Variants in RGS7 observed in about 807,000 individuals in gnomAD.
RGS7 encodes the protein regulator of G protein signaling 7, also known as regulator of G-protein signaling 7.
Under a neutral mutation model 81.1 loss-of-function variants are expected in RGS7, and 27 were observed. That is an observed-to-expected ratio of 0.33 (90% CI 0.25 to 0.46). RGS7 has a LOEUF of 0.46. Ranked by LOEUF, RGS7 falls within the 20% of genes least tolerant of loss-of-function variation. RGS7 has a pLI of 1.00. For missense variants in RGS7, 396 were observed against 607.4 expected, an observed-to-expected ratio of 0.65 and a Z score of 3.66; for synonymous variants, 208 against 207.7, an observed-to-expected ratio of 1.00 and a Z score of -0.01.
chr1:241,155,483 T>C (rs1425026353), intron 2 of RGS7, among the ~76,000 whole-genome samples: 3 of 151,956 alleles, frequency 2.0e-5, no homozygotes, highest in African/African-American at 7.3e-5. Flanking sequence ...ACCTTTTATC[T>C]TTTTTAGGGA....
intron 2 of RGS7, among the ~76,000 whole-genome samples, chr1:241,221,710 A>G (rs1427948952): frequency 6.6e-6 from 1 of 152,240 alleles, no homozygotes; most frequent in Non-Finnish European, 1.5e-5. Flanking sequence ...AGGCCTGTAT[A>G]TAACAAAAGA....
At chr1:241,035,614 T>C (rs1160676300) in intron 3 of RGS7, among the ~76,000 whole-genome samples, 5 of 152,200 alleles carry the variant, frequency 3.3e-5, no homozygotes, top group South Asian at 2.1e-4. Flanking sequence ...AATACTGCCA[T>C]TGCCATCAGC....
At chr1:240,788,122 T>C (rs551986522) in intron 18 of RGS7, among the ~76,000 whole-genome samples, 1 of 152,374 alleles carries the variant, frequency 6.6e-6, no homozygotes, top group South Asian at 2.1e-4. Context: ...GTCACTCAGA[T>C]TTAATTTGCT....
chr1:241,284,071 T>C (rs1467349897), intron 2 of RGS7, among the ~76,000 whole-genome samples: 1 of 152,200 alleles, frequency 6.6e-6, no homozygotes, highest in African/African-American at 2.4e-5. Context: ...TATTGAATCA[T>C]TTTTTTCATG....
intron 2 of RGS7, among the ~76,000 whole-genome samples, chr1:241,319,348 G>A (rs891277922): frequency 6.6e-6 from 1 of 152,008 alleles, no homozygotes; most frequent in Non-Finnish European, 1.5e-5. Flanking sequence ...AAAAATACAA[G>A]AATATAGATT....
At position 241,133,534 on chromosome 1, in the gene RGS7, TA is replaced by T. The variant is rs200984559; in HGVS notation, c.79-34773del. Among the ~76,000 whole-genome samples, 215 of 150,566 alleles carry T rather than the reference TA, an allele frequency of 1.4e-3. 2 individuals are homozygous for T. Among genetic ancestry groups the T allele is most frequent in the African/African-American group, 5.0e-3 (205 of 41,102 alleles). On this transcript the variant is annotated intron_variant, in intron 2 of 18. Transcript: ENST00000440928. ...TTCTAAGGGAAAGGAGATACAAATA[TA>T]AAAAAAAAGAAACCAAGAAAAAGAA...
chr1:241,013,257 T>C (rs1387891218), intron 3 of RGS7, among the ~76,000 whole-genome samples: 41 of 151,968 alleles, frequency 2.7e-4, no homozygotes, highest in Admixed American at 2.6e-3. Context: ...GAGATGGGGT[T>C]TCACCCTGTT....
intron 3 of RGS7, among the ~76,000 whole-genome samples, chr1:241,091,327 T>C (rs1413882643): frequency 6.6e-6 from 1 of 151,850 alleles, no homozygotes; most frequent in Admixed American, 6.6e-5. Context: ...GGCAGGTGGA[T>C]CACGAGGTAG....
chr1:241,054,610 G>A (rs2061396647), intron 3 of RGS7, among the ~76,000 whole-genome samples: 1 of 152,148 alleles, frequency 6.6e-6, no homozygotes, highest in African/African-American at 2.4e-5. Flanking sequence ...CGTATAACAT[G>A]TCCAAAATAG....
At chr1:241,086,962 A>G (rs2063486856) in intron 3 of RGS7, among the ~76,000 whole-genome samples, 1 of 152,200 alleles carries the variant, frequency 6.6e-6, no homozygotes, top group South Asian at 2.1e-4. Context: ...CTCTGACCCC[A>G]GGAACCTGAG....
intron 2 of RGS7, among the ~76,000 whole-genome samples, chr1:241,266,359 C>G (rs997915106): frequency 5.3e-5 from 8 of 152,262 alleles, no homozygotes; most frequent in African/African-American, 1.9e-4. Context: ...TTGTGATTTT[C>G]AAAATAATTG....
intron 2 of RGS7, among the ~76,000 whole-genome samples, chr1:241,308,090 T>C (rs2080283781): frequency 6.6e-6 from 1 of 152,134 alleles, no homozygotes; most frequent in Admixed American, 6.5e-5. Flanking sequence ...ATGATCTTTA[T>C]TCTTTTTTAA....
At chr1:240,895,414 A>G (rs1284717461) in intron 6 of RGS7, among the ~76,000 whole-genome samples, 1 of 151,538 alleles carries the variant, frequency 6.6e-6, no homozygotes, top group Non-Finnish European at 1.5e-5. Flanking sequence ...CATTAGGTAT[A>G]TCTCCTAATG....
chr1:240,776,106 G>T lies in RGS7; in HGVS notation c.*114C>A. 1.6e-6 allele frequency: 2 copies of T among 1,280,542 alleles called. No homozygotes were observed. The highest frequency in any genetic ancestry group is 1.2e-5 in the South Asian group (1 of 84,328). The allele number at this position is 1,280,542 out of a possible 1,614,324, so 79.3% of individuals were successfully genotyped here. ...GTCCTCTGCTCCAGGTCACAACATT[G>T]AGCTACAAAGTGTGTGCAGTGACTC... On this transcript the variant is annotated 3_prime_UTR_variant, in exon 19 of 19. Transcript: ENST00000440928.
intron 18 of RGS7, among the ~76,000 whole-genome samples, chr1:240,793,033 C>A (rs1258744782): frequency 6.6e-6 from 1 of 152,162 alleles, no homozygotes; most frequent in Non-Finnish European, 1.5e-5. Context: ...CCCAAGACTT[C>A]ATATTCATTG....
rs543611911 is a variant in RGS7, at chr1:241,064,638, G to A, written c.175+34028C>T. Among the ~76,000 whole-genome samples, 8 of 147,784 alleles carry A rather than the reference G, an allele frequency of 5.4e-5. No individual in the cohort carries two copies. The South Asian group carries it at 1.5e-3, about 28-fold the overall frequency. ...TGGCCAGGTGAGGTGGCTCATGCCT[G>A]TAATCCCAGCACTTTGGGAGGCCAA... On this transcript the variant is annotated intron_variant, in intron 3 of 18. Transcript: ENST00000440928.
At chr1:240,911,923 T>G (rs904471120) in intron 6 of RGS7, among the ~76,000 whole-genome samples, 2 of 150,826 alleles carry the variant, frequency 1.3e-5, no homozygotes, top group Non-Finnish European at 2.9e-5. Flanking sequence ...GGGCGGATCA[T>G]GAGGTTAGGA....
intron 10 of RGS7, among the ~76,000 whole-genome samples, chr1:240,820,726 A>G (rs1691630811): frequency 6.6e-6 from 1 of 152,206 alleles, no homozygotes; most frequent in African/African-American, 2.4e-5. Context: ...CGCGAAAGAT[A>G]TTAAATCTGC....
At chr1:241,109,427 T>A (rs2065359918) in intron 2 of RGS7, among the ~76,000 whole-genome samples, 3 of 152,020 alleles carry the variant, frequency 2.0e-5, no homozygotes, top group Admixed American at 6.6e-5. Context: ...TTAGTTTAAA[T>A]TTTTTTTACC....
Sources: allele counts gnomAD v4.1 joint callset (sites outside exome capture counted in the v4.1 genomes callset), GRCh38; gene constraint gnomAD v4.1.1; transcripts MANE v1.5; gene names NCBI Gene and HGNC (gene_info 2026-07-23, HGNC 2026-07-21).